Variants in ADARB2 observed in about 807,000 individuals in gnomAD.
ADARB2 encodes adenosine deaminase RNA specific B2 (inactive), also known as inactive double-stranded RNA-specific editase B2.
ADARB2 carries 25 observed loss-of-function variants against 62.2 expected under a neutral mutation model. That is an observed-to-expected ratio of 0.40 (90% CI 0.29 to 0.56). ADARB2 has a LOEUF of 0.56. ADARB2 is among the 20% of genes least tolerant of loss of function. The pLI, the probability that ADARB2 is intolerant of heterozygous loss-of-function variation, is 0.43. For missense variants in ADARB2, 1,071 were observed against 1,077.4 expected, an observed-to-expected ratio of 0.99 and a Z score of 0.08; for synonymous variants, 572 against 500.8, an observed-to-expected ratio of 1.14 and a Z score of -1.90.
intron 2 of ADARB2, among the ~76,000 whole-genome samples, chr10:1,370,910 TC>T (rs1832364282): frequency 1.3e-5 from 2 of 152,198 alleles, no homozygotes; most frequent in African/African-American, 4.8e-5. Flanking sequence ...GCAATCTCTA[TC>T]AAATTCCAAC....
intron 1 of ADARB2, among the ~76,000 whole-genome samples, chr10:1,523,444 C>T (rs1832099952): frequency 6.6e-6 from 1 of 152,160 alleles, no homozygotes; most frequent in South Asian, 2.1e-4. Flanking sequence ...AAGAACAAAG[C>T]CCCTATGCTT....
intron 1 of ADARB2, among the ~76,000 whole-genome samples, chr10:1,442,254 C>G (rs1830916417): frequency 6.6e-6 from 1 of 152,198 alleles, no homozygotes. Context: ...CTCAGGTTTC[C>G]CTCCTTGGTA....
chr10:1,628,895 G>A (rs1240386477), intron 1 of ADARB2, among the ~76,000 whole-genome samples: 3 of 152,208 alleles, frequency 2.0e-5, no homozygotes, highest in Admixed American at 1.3e-4. Flanking sequence ...ACCACTGGAG[G>A]GGCCTCCCTG....
intron 1 of ADARB2, among the ~76,000 whole-genome samples, chr10:1,613,053 G>A (rs955217816): frequency 6.6e-6 from 1 of 152,228 alleles, no homozygotes; most frequent in African/African-American, 2.4e-5. Flanking sequence ...ACTTCTAGTG[G>A]GCGTAACAGA....
intron 4 of ADARB2, among the ~76,000 whole-genome samples, chr10:1,253,259 A>G (rs1157573028): frequency 6.6e-6 from 1 of 152,224 alleles, no homozygotes; most frequent in Admixed American, 6.5e-5. Flanking sequence ...TGCAACCAGG[A>G]TGTTTCTGTG....
intron 1 of ADARB2, among the ~76,000 whole-genome samples, chr10:1,698,342 C>T (rs1035872725): frequency 6.6e-6 from 1 of 152,208 alleles, no homozygotes; most frequent in Non-Finnish European, 1.5e-5. Context: ...GCCACTCTGA[C>T]CTTTGAGAGC....
chr10:1,288,844 C>T (rs189344953), intron 3 of ADARB2, among the ~76,000 whole-genome samples: 12 of 152,302 alleles, frequency 7.9e-5, no homozygotes, highest in East Asian at 3.9e-4. Flanking sequence ...TGACATGTGA[C>T]GCGGTTGTCT....
chr10:1,519,100 G>GGTGTGGTCATACGCATTCATTCC (rs1832043005), intron 1 of ADARB2, among the ~76,000 whole-genome samples: 1 of 149,882 alleles, frequency 6.7e-6, no homozygotes, highest in Non-Finnish European at 1.5e-5. Flanking sequence ...GTCTGTACAC[G>GGTGTGGTCATACGCATTCATTCC]GTGTGGTCAT....
intron 1 of ADARB2, among the ~76,000 whole-genome samples, chr10:1,464,046 C>A (rs1831211476): frequency 6.6e-6 from 1 of 152,168 alleles, no homozygotes. Flanking sequence ...ACAGTGAATG[C>A]TGACAAGGAT....
chr10:1,419,428 A>G (rs1179149887), intron 1 of ADARB2, among the ~76,000 whole-genome samples: 1 of 152,256 alleles, frequency 6.6e-6, no homozygotes. Flanking sequence ...GTGGAAACTT[A>G]CTATCAAACA....
At chr10:1,400,482 G>A (rs924870893) in intron 1 of ADARB2, among the ~76,000 whole-genome samples, 2 of 152,152 alleles carry the variant, frequency 1.3e-5, no homozygotes, top group Admixed American at 6.5e-5. Context: ...AAAGGCAGCC[G>A]CAGTGCTCTC....
chr10:1,427,943 G>A (rs1053619848), intron 1 of ADARB2, among the ~76,000 whole-genome samples: 2 of 151,720 alleles, frequency 1.3e-5, no homozygotes, highest in African/African-American at 4.8e-5. Flanking sequence ...TGGGAATCAT[G>A]CTGAATGAAA....
At chr10:1,194,769 C>G (rs1256755551) in intron 8 of ADARB2, among the ~76,000 whole-genome samples, 1 of 152,082 alleles carries the variant, frequency 6.6e-6, no homozygotes, top group Non-Finnish European at 1.5e-5. Context: ...CATCTCTCCC[C>G]CTAAGTGTTC....
At chr10:1,445,364 C>A (rs1357377369) in intron 1 of ADARB2, among the ~76,000 whole-genome samples, 4 of 151,546 alleles carry the variant, frequency 2.6e-5, no homozygotes, top group African/African-American at 9.7e-5. Context: ...ATCAATTTAT[C>A]CTTCCATCCA....
At chr10:1,407,235 G>C (rs771849931) in intron 1 of ADARB2, among the ~76,000 whole-genome samples, 7 of 152,198 alleles carry the variant, frequency 4.6e-5, no homozygotes, top group Non-Finnish European at 1.0e-4. Flanking sequence ...GAACAGCCGG[G>C]CAGCACCACT....
intron 2 of ADARB2, among the ~76,000 whole-genome samples, chr10:1,374,726 G>T (rs189357386): frequency 6.6e-6 from 1 of 152,204 alleles, no homozygotes; most frequent in Non-Finnish European, 1.5e-5. Flanking sequence ...TCCCCTGTGC[G>T]GTATCATTGG....
chr10:1,349,406 C>A (rs796425230), intron 3 of ADARB2, among the ~76,000 whole-genome samples: 2 of 152,306 alleles, frequency 1.3e-5, no homozygotes, highest in African/African-American at 4.8e-5. Flanking sequence ...GGTCCTTTCA[C>A]ACGAACGTGC....
intron 1 of ADARB2, among the ~76,000 whole-genome samples, chr10:1,579,363 CATT>C (rs761572744): frequency 6.6e-6 from 1 of 152,164 alleles, no homozygotes; most frequent in Non-Finnish European, 1.5e-5. Flanking sequence ...GTAATTTCTG[CATT>C]TTTTAAAGAA....
chr10:1,310,616 T>TA (rs1391225230), intron 3 of ADARB2, among the ~76,000 whole-genome samples: 1 of 151,924 alleles, frequency 6.6e-6, no homozygotes, highest in African/African-American at 2.4e-5. Context: ...GGCATGGGGG[T>TA]AGTGATGGGG....
Sources: allele counts gnomAD v4.1 joint callset (sites outside exome capture counted in the v4.1 genomes callset), GRCh38; gene constraint gnomAD v4.1.1; transcripts MANE v1.5; gene names NCBI Gene and HGNC (gene_info 2026-07-23, HGNC 2026-07-21).